The following PLCG2 variants were observed in gnomAD, a reference collection of about 807,000 sequenced individuals.
PLCG2 encodes the protein 1-phosphatidylinositol 4,5-bisphosphate phosphodiesterase gamma-2.
A neutral mutation model predicts 175.6 loss-of-function variants in PLCG2; 69 were observed. That is an observed-to-expected ratio of 0.39 (90% CI 0.32 to 0.48). The LOEUF is 0.48. Among genes scored for constraint, PLCG2 ranks in the 20% least tolerant of loss-of-function variants. The probability of loss-of-function intolerance (pLI) is 0.91; values close to 1 mark genes in which losing one functional copy is unlikely to be tolerated. For missense variants in PLCG2, 1,798 were observed against 1,650.9 expected, an observed-to-expected ratio of 1.09 and a Z score of -1.54; for synonymous variants, 827 against 624.0, an observed-to-expected ratio of 1.33 and a Z score of -4.85.
At chr16:81,894,986 C>T (rs1392903619) in intron 12 of PLCG2, among the ~76,000 whole-genome samples, 1 of 152,214 alleles carries the variant, frequency 6.6e-6, no homozygotes, top group African/African-American at 2.4e-5. Flanking sequence ...GTAGCAGTTA[C>T]TCTATAGACT....
chr16:81,876,054 C>G (rs1170344771), intron 7 of PLCG2, among the ~76,000 whole-genome samples: 3 of 115,488 alleles, frequency 2.6e-5, no homozygotes, highest in Non-Finnish European at 5.1e-5. Flanking sequence ...GAGACAGGGT[C>G]TCACTTTGTC....
At chr16:81,829,435 C>G (rs556122598) in intron 2 of PLCG2, among the ~76,000 whole-genome samples, 18 of 152,292 alleles carry the variant, frequency 1.2e-4, no homozygotes, top group African/African-American at 3.8e-4. Flanking sequence ...CCAGGCTAGT[C>G]TCGAACTCCT....
At chr16:81,782,048 A>T (rs546893165) in intron 1 of PLCG2, among the ~76,000 whole-genome samples, 1 of 150,598 alleles carries the variant, frequency 6.6e-6, no homozygotes, top group South Asian at 2.1e-4. Context: ...ATTGTTTTGT[A>T]TTTTTTTTTA....
rs1034203812 is a variant in PLCG2 at position 81,870,487 on chromosome 16, C to T, written c.565-365C>T. 2.0e-5 allele frequency among the ~76,000 whole-genome samples: 3 copies of T among 152,240 alleles called. No homozygotes were observed. The East Asian group carries it at 5.8e-4, about 29-fold the overall frequency. ...TTTCTGCCCAAAAAAGGAGGAGTTA[C>T]GCATCATGTCTCTTGGAAACCTGGC... On this transcript the variant is annotated intron_variant, in intron 6 of 32. Transcript: ENST00000564138.
chr16:81,881,686 C>G (rs887697244), intron 8 of PLCG2, among the ~76,000 whole-genome samples: 21 of 152,212 alleles, frequency 1.4e-4, no homozygotes, highest in Non-Finnish European at 3.1e-4. Flanking sequence ...CCTTTGTCGC[C>G]TAGGCTGGAG....
At chr16:81,857,749 A>C (rs1385960441) in intron 3 of PLCG2, among the ~76,000 whole-genome samples, 1 of 152,188 alleles carries the variant, frequency 6.6e-6, no homozygotes, top group Admixed American at 6.5e-5. Flanking sequence ...GAGATTCAAC[A>C]TATGAATTCG....
At chr16:81,898,923 G>A (rs1023434939) in intron 13 of PLCG2, among the ~76,000 whole-genome samples, 5 of 152,120 alleles carry the variant, frequency 3.3e-5, no homozygotes, top group East Asian at 3.8e-4. Context: ...AGTGGCTCAC[G>A]CCTGTAATCC....
At chr16:81,927,673 A>G (rs143475811) in intron 23 of PLCG2, among the ~76,000 whole-genome samples, 300 of 152,214 alleles carry the variant, frequency 2.0e-3, no homozygotes, top group African/African-American at 6.7e-3. Context: ...ACCAAGGATG[A>G]TATCTTTGTA....
At chr16:81,950,203 TACA>T (rs1597153233) in intron 31 of PLCG2, among the ~76,000 whole-genome samples, 1 of 152,176 alleles carries the variant, frequency 6.6e-6, no homozygotes, top group East Asian at 1.9e-4. Flanking sequence ...CTGCAGTGTT[TACA>T]ACAAGAGGCC....
chr16:81,855,243 C>T (rs1470547773), intron 3 of PLCG2, among the ~76,000 whole-genome samples: 7 of 151,762 alleles, frequency 4.6e-5, no homozygotes, highest in African/African-American at 1.7e-4. Context: ...TGTTTTCTTC[C>T]AGCAGATGTG....
At chr16:81,882,047 C>G (rs920189497) in intron 8 of PLCG2, among the ~76,000 whole-genome samples, 3 of 152,176 alleles carry the variant, frequency 2.0e-5, no homozygotes, top group African/African-American at 7.2e-5. Flanking sequence ...AGACAACAGA[C>G]TCCTGGACCC....
intron 16 of PLCG2, among the ~76,000 whole-genome samples, chr16:81,908,176 G>A (rs936078141): frequency 2.0e-5 from 3 of 152,298 alleles, no homozygotes; most frequent in Admixed American, 6.5e-5. Flanking sequence ...GCTGGGAACC[G>A]TTCACTGCAT....
intron 1 of PLCG2, among the ~76,000 whole-genome samples, chr16:81,785,409 C>T (rs918866857): frequency 2.6e-5 from 4 of 152,180 alleles, no homozygotes; most frequent in African/African-American, 9.7e-5. Flanking sequence ...CATTTCCTGC[C>T]TTTCATCCTC....
At chr16:81,748,570 A>T (rs974954007) in intron 1 of PLCG2, among the ~76,000 whole-genome samples, 1 of 152,162 alleles carries the variant, frequency 6.6e-6, no homozygotes, top group African/African-American at 2.4e-5. Flanking sequence ...AGGGGTAAAC[A>T]GGGGACTTCT....
At position 81,958,206 on chromosome 16, in the gene PLCG2, T is replaced by TA; in HGVS notation, c.*208_*209insA. 2 of 582,072 alleles carry TA rather than the reference T, an allele frequency of 3.4e-6. No homozygotes were observed. The highest frequency in any genetic ancestry group is 6.3e-6 in the Non-Finnish European group (2 of 319,046). 36.1% of individuals were successfully genotyped at this position (582,072 alleles called of 1,614,324 possible). A position where few individuals can be genotyped will look rare whatever the true frequency, so the allele number is the denominator to read the frequency against. ...TCTTGGACAACTTTCTTAACTTATATTCTTTATAGAGGATTCCCCAAAATG... is the reference window on the plus strand; with the variant it reads ...TCTTGGACAACTTTCTTAACTTATATATCTTTATAGAGGATTCCCCAAAATG... On this transcript the variant is annotated 3_prime_UTR_variant, in exon 33 of 33. Transcript: ENST00000564138.
intron 27 of PLCG2, chr16:81,937,538 A>G (rs957893507): frequency 4.2e-5 from 18 of 426,234 alleles, no homozygotes; most frequent in Non-Finnish European, 7.5e-5. Flanking sequence ...CTTTTCTTTT[A>G]TGATTCGGGA....
chr16:81,871,796 T>G (rs1354860834), intron 7 of PLCG2, among the ~76,000 whole-genome samples: 7 of 152,174 alleles, frequency 4.6e-5, no homozygotes, highest in Non-Finnish European at 8.8e-5. Flanking sequence ...GAATATATTA[T>G]CGGATTGTTT....
chr16:81,861,199 T>G (rs1368585282), intron 5 of PLCG2, among the ~76,000 whole-genome samples: 1 of 152,214 alleles, frequency 6.6e-6, no homozygotes, highest in Non-Finnish European at 1.5e-5. Flanking sequence ...CTTTCATTCA[T>G]TCTTGATTTA....
At chr16:81,786,993 A>C (rs1005942802) in intron 2 of PLCG2, among the ~76,000 whole-genome samples, 1 of 152,234 alleles carries the variant, frequency 6.6e-6, no homozygotes, top group Admixed American at 6.5e-5. Flanking sequence ...AAAGAAAACA[A>C]TTGGGAACTC....
Sources: allele counts gnomAD v4.1 joint callset (sites outside exome capture counted in the v4.1 genomes callset), GRCh38; gene constraint gnomAD v4.1.1; transcripts MANE v1.5; gene names NCBI Gene and HGNC (gene_info 2026-07-23, HGNC 2026-07-21).